Variants in OGFOD2 observed in about 807,000 individuals in gnomAD.
OGFOD2 encodes 2-oxoglutarate and iron-dependent oxygenase domain-containing protein 2.
A neutral mutation model predicts 31.1 loss-of-function variants in OGFOD2; 34 were observed. That is an observed-to-expected ratio of 1.09 (90% confidence interval 0.83 to 1.45). The LOEUF is 1.45. Among genes scored for constraint, OGFOD2 ranks in the 40% most tolerant of loss-of-function variants. The pLI is 0.00. For missense variants in OGFOD2, 537 were observed against 433.9 expected (o/e 1.24, Z -2.11); for synonymous variants, 240 against 192.3 (o/e 1.25, Z -2.05).
chr12:122,976,038 G>A, intron 2 of OGFOD2, 171 bp downstream of exon 2: 1 of 605,376 alleles, frequency 1.7e-6, no homozygotes, highest in East Asian at 2.8e-5. Flanking sequence ...TTGGCACCAG[G>A]AGAGAGAAGG....
At position 122,977,427 on chromosome 12, in the gene OGFOD2, A is replaced by G. The variant is rs142650893; in HGVS notation, c.403+457A>G. 129 of 208,162 alleles carry G rather than the reference A, an allele frequency of 6.2e-4. No homozygotes were observed. In the East Asian group the frequency reaches 0.015, roughly 25 times the overall value. The allele number at this position is 208,162 out of a possible 1,614,324, so 12.9% of individuals were successfully genotyped here. On this transcript the variant is annotated intron_variant, in intron 4 of 6. Coordinates refer to ENST00000228922, the Ensembl canonical transcript of OGFOD2. ...AGGCCTGCGGCCATGCCAAACTCCA[A>G]GTAGGGCAAAAAATGCCCCACTTCT...
At chr12:122,978,951 A>C (rs2037526121) in exon 6 of OGFOD2, 1 of 1,613,264 alleles carries the variant, frequency 6.2e-7, no homozygotes, top group Non-Finnish European at 8.5e-7. Context: ...GCTCACCCTC[A>C]ATGTGGCCTT....
At position 122,978,381 on chromosome 12, in the gene OGFOD2, A is replaced by C. The variant is rs533499064; in HGVS notation, c.404-61A>C. On this transcript the variant is annotated intron_variant, in intron 4 of 6. Coordinates refer to ENST00000228922, the Ensembl canonical transcript of OGFOD2. ...ACAGGTGATGAAACAGGAAGACTGA[A>C]GCCCAGGCCTGGCCGGCCCACGGCC... 9.4e-6 allele frequency: 15 copies of C among 1,596,040 alleles called. No individual in the cohort carries two copies. The Admixed American group carries it at 2.4e-4, about 25-fold the overall frequency.
chr12:122,978,661 G>C, intron 5 of OGFOD2, 92 bp downstream of exon 5: 1 of 1,587,000 alleles, frequency 6.3e-7, no homozygotes, highest in Non-Finnish European at 8.6e-7. Flanking sequence ...TGCCCGGGCT[G>C]CGAAAGAAGG....
At chr12:122,976,349 A>T in intron 2 of OGFOD2, 1 of 1,612,688 alleles carries the variant, frequency 6.2e-7, no homozygotes. Flanking sequence ...CCTCTGGAAC[A>T]CAGGACTTGG....
chr12:122,976,441 G>A, intron 2 of OGFOD2: 1 of 1,609,412 alleles, frequency 6.2e-7, no homozygotes, highest in South Asian at 1.1e-5. Flanking sequence ...GCTCAGGTTG[G>A]GGCAGCCTGA....
chr12:122,978,711 A>C, intron 5 of OGFOD2, 42 bp from the exon 6 acceptor site: 1 of 1,592,702 alleles, frequency 6.3e-7, no homozygotes, highest in South Asian at 1.1e-5. Flanking sequence ...CCAGGGTTGC[A>C]GCCCTCTAGT....
In OGFOD2 at chr12:122,978,738, G is replaced by A. The variant is rs758383308; in HGVS notation, c.532-15G>A. The stretch of plus-strand genomic sequence containing the variant: ...CCCTCTAGTTTCCTTGCTGACCCCA[G>A]GAATCCCCTCCCAGGTGCTGCTGCA... On this transcript the variant is annotated splice_polypyrimidine_tract_variant and intron_variant, in intron 5 of 6. Coordinates refer to ENST00000228922, the Ensembl canonical transcript of OGFOD2. The A allele has an allele frequency of 3.1e-6, 5 of 1,602,426 alleles. No individual in the cohort carries two copies. The Admixed American group carries it at 6.7e-5, about 21-fold the overall frequency.
At chr12:122,977,669 C>T (rs921416031) in intron 4 of OGFOD2, 1 of 156,468 alleles carries the variant, frequency 6.4e-6, no homozygotes, top group African/African-American at 2.4e-5. Context: ...AAAGTGTTTC[C>T]TATTCTTATT....
chr12:122,978,451 G>C (rs760872313), exon 5 of OGFOD2: 2 of 1,613,500 alleles, frequency 1.2e-6, no homozygotes, highest in African/African-American at 2.7e-5. Context: ...GAGGAGAAGC[G>C]CATCTACCGG....
chr12:122,979,341 AC>A lies in OGFOD2; in HGVS notation c.1050del (p.Ter351GlufsTer124). ...CGCCACGGTGGATGTATGTGCGCTC[AC>A]CTGAGCTTGCTTGGGCCCAGTGTGG... is the stretch of plus-strand genomic sequence containing the variant. On this transcript the variant is annotated frameshift_variant, in exon 7 of 7. Transcript: ENST00000228922. LOFTEE classifies it high-confidence loss of function. 1 of 1,600,314 alleles carries A rather than the reference AC, an allele frequency of 6.2e-7. No homozygotes were observed. Among genetic ancestry groups the A allele is most frequent in the Non-Finnish European group, 8.5e-7 (1 of 1,171,458 alleles).
chr12:122,976,166 C>T (rs939634063), intron 2 of OGFOD2: 15 of 595,076 alleles, frequency 2.5e-5, no homozygotes, highest in African/African-American at 5.6e-5. Flanking sequence ...GGATCCCTTG[C>T]CCAAGCTTTT....
intron 4 of OGFOD2, 56 bp downstream of exon 4, chr12:122,977,026 TG>T: frequency 6.5e-7 from 1 of 1,531,452 alleles, no homozygotes; most frequent in Non-Finnish European, 9.0e-7. Flanking sequence ...CTGGGAAACC[TG>T]GGTGTGGGAT....
chr12:122,979,337 G>A lies in OGFOD2; in HGVS notation c.1044G>A (p.Ala348=), dbSNP rs375318596. Residue 348 remains alanine, a synonymous_variant, in exon 7 of 7, where the codon GCG becomes GCA. Transcript: ENST00000228922. ...AGCCCGCCACGGTGGATGTATGTGC[G>A]CTCACCTGAGCTTGCTTGGGCCCAG... 184 of 1,600,110 alleles carry A rather than the reference G, an allele frequency of 1.1e-4. No homozygotes were observed. The African/African-American group carries it at 2.1e-3, about 18-fold the overall frequency.
At chr12:122,975,844 G>A (rs2037406844) in exon 2 of OGFOD2, 3 of 702,844 alleles carry the variant, frequency 4.3e-6, no homozygotes, top group African/African-American at 1.7e-5. Context: ...TAGCGCCAAG[G>A]ACTTCCAGCA....
At chr12:122,979,275 G>A (rs368271525) in exon 7 of OGFOD2, 4 of 1,612,992 alleles carry the variant, frequency 2.5e-6, no homozygotes, top group Non-Finnish European at 3.4e-6. Flanking sequence ...CGACCTGGTG[G>A]ACGATGAGGG....
intron 4 of OGFOD2, chr12:122,978,173 C>G (rs2037487504): frequency 2.9e-6 from 1 of 343,240 alleles, no homozygotes; most frequent in African/African-American, 2.0e-5. Context: ...CTACTTCCTT[C>G]CCCTCTCTGG....
chr12:122,975,090 G>A (rs2037367928), upstream of OGFOD2: 11 of 494,836 alleles, frequency 2.2e-5, no homozygotes, highest in South Asian at 3.5e-4. Flanking sequence ...CGGCCCAGGA[G>A]CATCTTTCTC....
Position 122,975,228 on chromosome 12 carries a change from TGGTAGGGCTGTG to T in OGFOD2, c.-20_-9del, listed in dbSNP as rs1166575708. ...GTGCCCGAAGTCTCTCTACGGAAGC[TGGTAGGGCTGTG>T]GGTGCTTCACTATGGCGACGGTGGG... On this transcript the variant is annotated 5_prime_UTR_variant, in exon 1 of 7. Coordinates refer to ENST00000228922, the Ensembl canonical transcript of OGFOD2. 1.6e-6 allele frequency: 1 copy of T among 619,946 alleles called. No individual in the cohort carries two copies. Among genetic ancestry groups the T allele is most frequent in the South Asian group, 1.7e-5 (1 of 60,126 alleles). 38.4% of individuals were successfully genotyped at this position (619,946 alleles called of 1,614,324 possible).
Sources: gnomAD v4.1 joint callset for allele counts on GRCh38, gnomAD v4.1.1 for gene constraint, MANE v1.5 for transcripts, NCBI Gene and HGNC (gene_info 2026-07-23, HGNC 2026-07-21) for gene names.